The following RSPH1 variants were observed in gnomAD, a reference collection of about 807,000 sequenced individuals.
RSPH1 encodes radial spoke head 1 homolog.
In RSPH1, 32 loss-of-function variants were observed where a neutral mutation model predicts 44.2. The observed-to-expected ratio is 0.72, with a 90% CI of 0.55 to 0.97. The LOEUF (loss-of-function observed/expected upper bound fraction) is 0.97, where lower values mean the gene tolerates loss of function less well. Among genes scored for constraint, RSPH1 ranks in the 50% least tolerant of loss-of-function variants. The pLI, the probability that RSPH1 is intolerant of heterozygous loss-of-function variation, is 0.00. For synonymous variants in RSPH1, 134 were observed against 147.3 expected, an observed-to-expected ratio of 0.91 and a Z score of 0.65; for missense variants, 391 against 398.7, an observed-to-expected ratio of 0.98 and a Z score of 0.16.
intron 3 of RSPH1, among the ~76,000 whole-genome samples, chr21:42,490,365 G>T (rs1007698310): frequency 6.6e-6 from 1 of 152,194 alleles, no homozygotes; most frequent in African/African-American, 2.4e-5. Flanking sequence ...CATTGTGATG[G>T]CAGCCAGCCA....
At chr21:42,493,310 C>T (rs1358129454) in intron 1 of RSPH1, among the ~76,000 whole-genome samples, 1 of 152,234 alleles carries the variant, frequency 6.6e-6, no homozygotes, top group African/African-American at 2.4e-5. Flanking sequence ...GCGGAAGCCT[C>T]GTTCCCTCCC....
intron 3 of RSPH1, among the ~76,000 whole-genome samples, chr21:42,490,588 G>A (rs991324248): frequency 2.6e-5 from 4 of 152,194 alleles, no homozygotes; most frequent in Non-Finnish European, 5.9e-5. Flanking sequence ...AAAGCCATCT[G>A]GAGAATCAAA....
intron 3 of RSPH1, among the ~76,000 whole-genome samples, chr21:42,488,044 A>G (rs577927338): frequency 6.6e-6 from 1 of 152,318 alleles, no homozygotes; most frequent in African/African-American, 2.4e-5. Flanking sequence ...ACAATTTCAA[A>G]AAGTGGGTAA....
At chr21:42,488,219 A>G (rs193122600) in intron 3 of RSPH1, among the ~76,000 whole-genome samples, 6 of 152,340 alleles carry the variant, frequency 3.9e-5, no homozygotes, top group African/African-American at 1.4e-4. Flanking sequence ...AGTAAAAAAT[A>G]CTTCAGGTCC....
chr21:42,473,975 A>T (rs1301297467), intron 8 of RSPH1, among the ~76,000 whole-genome samples: 1 of 152,116 alleles, frequency 6.6e-6, no homozygotes, highest in East Asian at 1.9e-4. Flanking sequence ...ACAGTCTCAG[A>T]CGCCCGCTGG....
chr21:42,481,971 T>C (rs2054132347), intron 6 of RSPH1, among the ~76,000 whole-genome samples: 1 of 152,218 alleles, frequency 6.6e-6, no homozygotes, highest in African/African-American at 2.4e-5. Context: ...ACGGACAAGC[T>C]AACAGTCACT....
At chr21:42,486,045 T>C in intron 4 of RSPH1, 1 of 597,748 alleles carries the variant, frequency 1.7e-6, no homozygotes, top group Non-Finnish European at 2.9e-6. Flanking sequence ...GTGTGTCAGC[T>C]GCTTTCCCCA....
rs376476707 is a variant in RSPH1, at chr21:42,473,002, AT to A, written c.878-133del. ...TAAGCATTCATCAGTCAAAAATTGA[AT>A]GTTAAATTTTATCTCATATGCACTT... On this transcript the variant is annotated intron_variant, in intron 8 of 8. Transcript: ENST00000291536. 3.8e-4 allele frequency: 245 copies of A among 640,530 alleles called. No homozygotes were observed. In the African/African-American group the frequency reaches 4.0e-3, roughly 11 times the overall value. The allele number at this position is 640,530 out of a possible 1,614,324, so 39.7% of individuals were successfully genotyped here.
intron 6 of RSPH1, among the ~76,000 whole-genome samples, chr21:42,482,169 C>T (rs1284712305): frequency 1.3e-5 from 2 of 152,198 alleles, no homozygotes; most frequent in East Asian, 1.9e-4. Flanking sequence ...CTGCAAACTC[C>T]GCCGCCCAGG....
intron 6 of RSPH1, among the ~76,000 whole-genome samples, chr21:42,480,737 C>A (rs1410090152): frequency 1.3e-5 from 2 of 151,074 alleles, no homozygotes; most frequent in African/African-American, 4.9e-5. Context: ...GATTCAAGGC[C>A]AGGGCCCTTG....
chr21:42,481,828 G>A (rs144820063), intron 6 of RSPH1, among the ~76,000 whole-genome samples: 4 of 152,230 alleles, frequency 2.6e-5, no homozygotes, highest in South Asian at 2.1e-4. Flanking sequence ...GCCTTATAAC[G>A]GCAATATTAG....
intron 6 of RSPH1, 75 bp downstream of exon 6, chr21:42,482,562 A>T (rs1276558596): frequency 9.1e-7 from 1 of 1,103,744 alleles, no homozygotes; most frequent in Non-Finnish European, 1.4e-6. Flanking sequence ...ATCACCTCCA[A>T]CCTTGCAGGA....
intron 7 of RSPH1, among the ~76,000 whole-genome samples, chr21:42,476,454 A>G (rs1357884215): frequency 6.6e-6 from 1 of 152,200 alleles, no homozygotes; most frequent in African/African-American, 2.4e-5. Context: ...AGAAATTCTT[A>G]GCAGCATGAG....
chr21:42,486,449 T>G lies in RSPH1; in HGVS notation c.287A>C (p.Asn96Thr). The G allele has an allele frequency of 6.2e-7, 1 of 1,613,672 alleles. No homozygotes were observed. Among genetic ancestry groups the G allele is most frequent in the Non-Finnish European group, 8.5e-7 (1 of 1,179,574 alleles). Residue 96 changes from asparagine to threonine, a missense_variant, in exon 4 of 9, where the codon AAT (asparagine) becomes ACT (threonine). Transcript: ENST00000291536. ...TACGCCATGGCCGTGCCGCAGGTCATTTGCCCACTCTCCTGAAAGGAACAA... is the reference window on the plus strand; with the variant it reads ...TACGCCATGGCCGTGCCGCAGGTCAGTTGCCCACTCTCCTGAAAGGAACAA... Reference protein sequence around the residue: ...DGSRYEGEWANDLRHGHGVYY... With the variant: ...DGSRYEGEWATDLRHGHGVYY...
intron 3 of RSPH1, among the ~76,000 whole-genome samples, chr21:42,490,157 G>A (rs1274837325): frequency 4.8e-5 from 6 of 124,326 alleles, no homozygotes; most frequent in East Asian, 2.4e-4. Context: ...TAAAAACCTC[G>A]GCCTTCCTGC....
intron 3 of RSPH1, 105 bp from the exon 4 acceptor site, chr21:42,486,566 G>A: frequency 2.4e-6 from 2 of 818,796 alleles, no homozygotes; most frequent in East Asian, 2.5e-5. Flanking sequence ...GTGTTGTGAA[G>A]CAAATGAAGC....
intron 6 of RSPH1, among the ~76,000 whole-genome samples, chr21:42,479,176 G>A (rs1280109527): frequency 6.6e-6 from 1 of 152,212 alleles, no homozygotes; most frequent in Non-Finnish European, 1.5e-5. Context: ...GCCGTGGGCT[G>A]CAGCTTGGCA....
chr21:42,492,438 A>C (rs999568615), intron 3 of RSPH1, among the ~76,000 whole-genome samples: 1 of 152,254 alleles, frequency 6.6e-6, no homozygotes, highest in African/African-American at 2.4e-5. Context: ...TGAATGCCGC[A>C]GAGCAGCTGA....
intron 3 of RSPH1, among the ~76,000 whole-genome samples, chr21:42,488,745 C>T (rs923575486): frequency 1.3e-5 from 2 of 152,118 alleles, no homozygotes; most frequent in African/African-American, 4.8e-5. Context: ...CCACAGGGAC[C>T]CTGCACAAAT....
Sources: allele counts gnomAD v4.1 joint callset (sites outside exome capture counted in the v4.1 genomes callset), GRCh38; gene constraint gnomAD v4.1.1; transcripts MANE v1.5; gene names NCBI Gene and HGNC (gene_info 2026-07-23, HGNC 2026-07-21).